The following PDGFD variants were observed in gnomAD, a reference collection of about 807,000 sequenced individuals.
PDGFD encodes platelet derived growth factor D.
In PDGFD, 30 loss-of-function variants were observed where a neutral mutation model predicts 44.7. That is an observed-to-expected ratio of 0.67 (90% CI 0.50 to 0.91). The LOEUF (loss-of-function observed/expected upper bound fraction) is 0.91, where lower values mean the gene tolerates loss of function less well. PDGFD is among the 40% of genes least tolerant of loss of function. PDGFD has a pLI of 0.00. For missense variants in PDGFD, 445 were observed against 457.8 expected (o/e 0.97, Z 0.25); for synonymous variants, 173 against 168.4 (o/e 1.03, Z -0.21).
chr11:104,037,764 A>C lies in PDGFD; in HGVS notation c.125-37509T>G, dbSNP rs1250445441. 1.9e-6 allele frequency: 3 copies of C among 1,614,158 alleles called. No homozygotes were observed. In the Admixed American group the frequency reaches 5.0e-5, roughly 27 times the overall value. Reference sequence around the variant, plus strand: ...AGATTCAAATTGAAGGTGATTTCTTACAGTGCTCTTTCTCCATACTTGAGG... The same window carrying C: ...AGATTCAAATTGAAGGTGATTTCTTCCAGTGCTCTTTCTCCATACTTGAGG... On this transcript the variant is annotated intron_variant, in intron 1 of 6. Coordinates refer to ENST00000393158, the MANE Select transcript of PDGFD (RefSeq NM_025208.5).
intron 1 of PDGFD, among the ~76,000 whole-genome samples, chr11:104,102,107 C>T (rs1366396241): frequency 7.2e-5 from 11 of 152,192 alleles, no homozygotes; most frequent in Middle Eastern, 6.8e-3. Context: ...AGCTTCTGCA[C>T]GGCAAAAGAA....
chr11:104,143,380 G>A (rs142228610), intron 1 of PDGFD, among the ~76,000 whole-genome samples: 1 of 152,142 alleles, frequency 6.6e-6, no homozygotes. Context: ...ATTAGAAAGG[G>A]ATCTTGAGCA....
chr11:104,104,357 A>G (rs192436782), intron 1 of PDGFD, among the ~76,000 whole-genome samples: 1 of 152,226 alleles, frequency 6.6e-6, no homozygotes, highest in Admixed American at 6.6e-5. Context: ...AAGTCTATAT[A>G]GTGTACAGTA....
intron 1 of PDGFD, among the ~76,000 whole-genome samples, chr11:104,130,518 G>A (rs1861905636): frequency 6.6e-6 from 1 of 152,154 alleles, no homozygotes; most frequent in Non-Finnish European, 1.5e-5. Flanking sequence ...CAGTATCTGA[G>A]CAACATAAAT....
chr11:103,963,648 G>A (rs1321901526), intron 3 of PDGFD, among the ~76,000 whole-genome samples: 1 of 152,080 alleles, frequency 6.6e-6, no homozygotes, highest in Non-Finnish European at 1.5e-5. Context: ...ATGGGAACAG[G>A]CATATATAAC....
intron 1 of PDGFD, among the ~76,000 whole-genome samples, chr11:104,103,030 T>C (rs575741208): frequency 2.0e-5 from 3 of 152,216 alleles, no homozygotes; most frequent in Admixed American, 1.3e-4. Flanking sequence ...TATACATATG[T>C]AACAAACCTG....
At chr11:103,976,171 T>G (rs1859181397) in intron 3 of PDGFD, among the ~76,000 whole-genome samples, 1 of 152,220 alleles carries the variant, frequency 6.6e-6, no homozygotes, top group Non-Finnish European at 1.5e-5. Context: ...TCTTATTTCC[T>G]TAAGCAGTGG....
intron 1 of PDGFD, among the ~76,000 whole-genome samples, chr11:104,043,761 G>A (rs1444979810): frequency 6.6e-6 from 1 of 152,092 alleles, no homozygotes; most frequent in African/African-American, 2.4e-5. Context: ...CAGCAAGAGA[G>A]CCATGGGGGA....
At chr11:104,158,230 T>C (rs1862336272) in intron 1 of PDGFD, among the ~76,000 whole-genome samples, 1 of 152,224 alleles carries the variant, frequency 6.6e-6, no homozygotes, top group South Asian at 2.1e-4. Flanking sequence ...AACACACATA[T>C]GTGAAGAAGA....
intron 6 of PDGFD, among the ~76,000 whole-genome samples, chr11:103,910,250 T>C (rs766251027): frequency 4.6e-5 from 7 of 152,216 alleles, no homozygotes; most frequent in Non-Finnish European, 1.0e-4. Flanking sequence ...GAATAAAATA[T>C]GCTGGTATAT....
chr11:103,965,415 A>G (rs919930444), intron 3 of PDGFD, among the ~76,000 whole-genome samples: 9 of 152,222 alleles, frequency 5.9e-5, no homozygotes, highest in Admixed American at 5.9e-4. Flanking sequence ...AAAAGTGGTC[A>G]GCCAGGTGCT....
chr11:104,142,865 G>A (rs563463078), intron 1 of PDGFD, among the ~76,000 whole-genome samples: 3 of 152,144 alleles, frequency 2.0e-5, no homozygotes, highest in African/African-American at 7.2e-5. Context: ...GTGCATGTCC[G>A]CGAAGGTTTC....
intron 1 of PDGFD, among the ~76,000 whole-genome samples, chr11:104,148,614 C>T (rs1862198299): frequency 6.6e-6 from 1 of 152,036 alleles, no homozygotes; most frequent in Non-Finnish European, 1.5e-5. Context: ...ATTTTAAGCT[C>T]AGGGGTACAA....
intron 1 of PDGFD, among the ~76,000 whole-genome samples, chr11:104,050,658 G>A (rs141201015): frequency 8.5e-4 from 130 of 152,266 alleles, no homozygotes; most frequent in Non-Finnish European, 1.4e-3. Flanking sequence ...AAATGTGTGG[G>A]GCACTTTGGG....
intron 1 of PDGFD, among the ~76,000 whole-genome samples, chr11:104,120,520 T>C (rs1376214770): frequency 6.6e-6 from 1 of 151,944 alleles, no homozygotes; most frequent in Non-Finnish European, 1.5e-5. Context: ...TTTATCCTTT[T>C]TGTTATTCAA....
At chr11:103,985,094 T>A (rs191776048) in intron 3 of PDGFD, among the ~76,000 whole-genome samples, 5,664 of 45,060 alleles carry the variant, frequency 0.13, 1,133 homozygotes, top group African/African-American at 0.38. Flanking sequence ...TTTAATATAT[T>A]ATATATTAAT....
At chr11:103,999,399 A>G (rs1338237060) in intron 2 of PDGFD, among the ~76,000 whole-genome samples, 2 of 152,216 alleles carry the variant, frequency 1.3e-5, no homozygotes, top group East Asian at 3.9e-4. Flanking sequence ...ACAACAGTCC[A>G]GGCTTTCTTT....
rs955207353 is a variant in PDGFD at position 103,959,670 on chromosome 11, G to A, written c.511-11946C>T. On this transcript the variant is annotated intron_variant, in intron 3 of 6. Transcript: ENST00000393158. ...GGTCGTGAGTTTCAGACTGTGCTAA[G>A]TACAGGTTTTCATAAATTCCTAAGA... Among the ~76,000 whole-genome samples the A allele has an allele frequency of 1.5e-4, 23 of 152,134 alleles. 1 individual carries two copies. Among genetic ancestry groups the A allele is most frequent in the African/African-American group, 4.3e-4 (18 of 41,424 alleles).
chr11:104,068,400 T>C (rs1275845935), intron 1 of PDGFD, among the ~76,000 whole-genome samples: 1 of 152,218 alleles, frequency 6.6e-6, no homozygotes, highest in African/African-American at 2.4e-5. Context: ...TTCTCTTCTT[T>C]TGCTGTGACT....
Sources: allele counts gnomAD v4.1 joint callset (sites outside exome capture counted in the v4.1 genomes callset), GRCh38; gene constraint gnomAD v4.1.1; transcripts MANE v1.5; gene names NCBI Gene and HGNC (gene_info 2026-07-23, HGNC 2026-07-21).